Variants in SBK1 observed in about 807,000 individuals in gnomAD.
SBK1 encodes the protein SH3 domain binding kinase 1.
A neutral mutation model predicts 24.4 loss-of-function variants in SBK1; 11 were observed. The ratio of observed to expected loss-of-function variants is 0.45; its 90% CI spans 0.28 to 0.75. The LOEUF (loss-of-function observed/expected upper bound fraction) is 0.75, where lower values mean the gene tolerates loss of function less well. Ranked by LOEUF, SBK1 falls within the 30% of genes least tolerant of loss-of-function variation. SBK1 has a pLI of 0.12. For missense variants in SBK1, 467 were observed against 620.5 expected, an observed-to-expected ratio of 0.75 and a Z score of 2.63; for synonymous variants, 308 against 284.4, an observed-to-expected ratio of 1.08 and a Z score of -0.83.
intron 1 of SBK1, among the ~76,000 whole-genome samples, chr16:28,308,524 G>A (rs1205525535): frequency 8.1e-6 from 1 of 123,846 alleles, no homozygotes; most frequent in African/African-American, 3.1e-5. Context: ...CCAGGCTTAA[G>A]CGATCCTTTC....
At chr16:28,301,602 C>G (rs2044679265) in intron 1 of SBK1, among the ~76,000 whole-genome samples, 1 of 152,174 alleles carries the variant, frequency 6.6e-6, no homozygotes, top group Admixed American at 6.5e-5. Context: ...CAGGGGATCC[C>G]TACAGTGCCT....
chr16:28,320,785 C>T lies in SBK1; in HGVS notation c.1139C>T (p.Pro380Leu). The T allele has an allele frequency of 3.5e-6, 5 of 1,416,966 alleles. No individual in the cohort carries two copies. The highest frequency in any genetic ancestry group is 2.4e-5 in the Admixed American group (1 of 41,562). The allele number at this position is 1,416,966 out of a possible 1,614,324, so 87.8% of individuals were successfully genotyped here. Residue 380 changes from proline (P) to leucine (L), a missense_variant, in exon 4 of 4, where the codon CCG (proline) becomes CTG (leucine). Coordinates refer to ENST00000341901, the MANE Select transcript of SBK1 (RefSeq NM_001024401.3). The surrounding 1 kb of genome is among the most constrained non-coding windows in gnomAD (Gnocchi z 8.5). ...VGSVPLPVPVPVPVPVPVPVP... is the reference protein window; with the variant it reads ...VGSVPLPVPVLVPVPVPVPVP... ...TCGGTGCCCTTGCCCGTGCCGGTGC[C>T]GGTGCCAGTGCCCGTGCCGGTGCCT...
chr16:28,280,275 A>G (rs936300219), intron 1 of SBK1, among the ~76,000 whole-genome samples: 1 of 143,940 alleles, frequency 6.9e-6, no homozygotes, highest in Non-Finnish European at 1.5e-5. Context: ...ATATATGTAC[A>G]TACATATGTA....
chr16:28,317,496 C>CTCT lies in SBK1; in HGVS notation c.105_106insTCT (p.Asp35_Met36insSer). Reference sequence around the variant, plus strand: ...CCGGTGTGCCCCTTCTCACTGAAGACATGCAGGCCCTGACTCTCCGCACAC... The same window carrying CTCT: ...CCGGTGTGCCCCTTCTCACTGAAGACTCTATGCAGGCCCTGACTCTCCGCACAC... On this transcript the variant is annotated inframe_insertion, in exon 2 of 4. Transcript: ENST00000341901. The surrounding 1 kb of genome is among the most constrained non-coding windows in gnomAD (Gnocchi z 4.2). 3 of 1,614,176 alleles carry CTCT rather than the reference C, an allele frequency of 1.9e-6. No homozygotes were observed. Among genetic ancestry groups the CTCT allele is most frequent in the Non-Finnish European group, 2.5e-6 (3 of 1,180,022 alleles).
At position 28,320,379 on chromosome 16, in the gene SBK1, T is replaced by G; in HGVS notation, c.733T>G (p.Cys245Gly). 6.3e-7 allele frequency: 1 copy of G among 1,592,688 alleles called. No homozygotes were observed. The highest frequency in any genetic ancestry group is 8.5e-7 in the Non-Finnish European group (1 of 1,175,970). ...DVWAFGVLIF[C>G]VLTGNFPWEA... ...GTGGGCCTTCGGCGTGCTCATCTTC[T>G]GCGTGCTCACCGGCAACTTCCCGTG... The change falls in exon 4 of 4, where the codon TGC becomes GGC. Residue 245 changes from cysteine (C) to glycine (G), a missense_variant. Coordinates refer to ENST00000341901, the MANE Select transcript of SBK1 (RefSeq NM_001024401.3). The surrounding 1 kb of genome is among the most constrained non-coding windows in gnomAD (Gnocchi z 8.5).
intron 1 of SBK1, among the ~76,000 whole-genome samples, chr16:28,313,255 A>T (rs747324426): frequency 2.0e-5 from 3 of 151,972 alleles, no homozygotes; most frequent in Admixed American, 6.6e-5. Context: ...TGGGGGCACC[A>T]CTGCACTCCA....
chr16:28,278,596 CT>C (rs1254743948), intron 1 of SBK1, among the ~76,000 whole-genome samples: 3 of 152,168 alleles, frequency 2.0e-5, no homozygotes, highest in Non-Finnish European at 4.4e-5. Context: ...ATCACCCAGG[CT>C]GAGTTCAATG....
At chr16:28,278,446 A>G (rs1242013743) in intron 1 of SBK1, among the ~76,000 whole-genome samples, 3 of 152,026 alleles carry the variant, frequency 2.0e-5, no homozygotes, top group Non-Finnish European at 4.4e-5. Flanking sequence ...GGCTCAAGCG[A>G]TCCTCCTGCC....
chr16:28,293,942 G>A (rs1456361454), intron 1 of SBK1, among the ~76,000 whole-genome samples: 2 of 152,170 alleles, frequency 1.3e-5, no homozygotes, highest in African/African-American at 2.4e-5. Context: ...CCCAAAGTGA[G>A]GCGCTAGTTT....
intron 1 of SBK1, among the ~76,000 whole-genome samples, chr16:28,272,913 C>T (rs1474110470): frequency 6.6e-6 from 1 of 152,070 alleles, no homozygotes; most frequent in East Asian, 1.9e-4. Context: ...AGCCACCATG[C>T]CTGGCCTGTC....
chr16:28,304,250 C>T (rs2044699946), intron 1 of SBK1, among the ~76,000 whole-genome samples: 1 of 152,186 alleles, frequency 6.6e-6, no homozygotes, highest in South Asian at 2.1e-4. Context: ...AGTTCTGCGG[C>T]ATTTCCTCCG....
intron 1 of SBK1, among the ~76,000 whole-genome samples, chr16:28,299,205 G>A (rs1356746091): frequency 1.5e-4 from 23 of 152,176 alleles, no homozygotes; most frequent in Admixed American, 1.5e-3. Context: ...AAACAAGGGG[G>A]ATGATATTAG....
intron 1 of SBK1, among the ~76,000 whole-genome samples, chr16:28,280,151 G>A (rs868440023): frequency 0.041 from 1,535 of 37,082 alleles, 20 homozygotes; most frequent in South Asian, 0.055. Flanking sequence ...ATATATATAT[G>A]TGTGTGTGTG....
At chr16:28,312,456 G>A (rs28368281) in intron 1 of SBK1, among the ~76,000 whole-genome samples, 2,787 of 152,282 alleles carry the variant, frequency 0.018, 94 homozygotes, top group African/African-American at 0.063. Flanking sequence ...TGGTGGCTGC[G>A]GGAAAGAGCC....
At chr16:28,288,328 C>T (rs1455894365), upstream of SBK1, among the ~76,000 whole-genome samples, 1 of 152,180 alleles carries the variant, frequency 6.6e-6, no homozygotes, top group Non-Finnish European at 1.5e-5. Context: ...TTCACAGCTG[C>T]TGCCCTTGGT....
intron 1 of SBK1, among the ~76,000 whole-genome samples, chr16:28,282,641 A>AATGAATGAATGAATGG (rs2044540597): frequency 6.6e-6 from 1 of 152,164 alleles, no homozygotes; most frequent in South Asian, 2.1e-4. Flanking sequence ...TGAATGAATG[A>AATGAATGAATGAATGG]ATGAATGGAG....
At chr16:28,310,196 G>A (rs369824217) in intron 1 of SBK1, among the ~76,000 whole-genome samples, 33 of 152,190 alleles carry the variant, frequency 2.2e-4, no homozygotes, top group Admixed American at 8.5e-4. Context: ...CCCTTGAGGC[G>A]TGAGGTGTGT....
chr16:28,271,551 C>T lies in SBK1; in HGVS notation c.257+12049C>T, dbSNP rs145550261. On this transcript the variant is annotated intron_variant, in intron 1 of 3. Transcript: ENST00000671413. ...CAGGCTGGGTGACAGAATGCGACTC[C>T]GTCCCCCCACCCCCAAAAAAGAGAG... Among the ~76,000 whole-genome samples, 563 of 152,066 alleles carry T rather than the reference C, an allele frequency of 3.7e-3. 2 individuals are homozygous for T. Among genetic ancestry groups the T allele is most frequent in the African/African-American group, 0.013 (546 of 41,480 alleles).
upstream of SBK1, among the ~76,000 whole-genome samples, chr16:28,288,204 A>AGCTGCCTG (rs1353562113): frequency 6.6e-6 from 1 of 152,136 alleles, no homozygotes; most frequent in Non-Finnish European, 1.5e-5. Context: ...CTTGATCCAA[A>AGCTGCCTG]GCTGCCTGTT....
Sources: allele counts gnomAD v4.1 joint callset (sites outside exome capture counted in the v4.1 genomes callset), GRCh38; gene constraint gnomAD v4.1.1; non-coding constraint Gnocchi (gnomAD v3.1); transcripts MANE v1.5; gene names NCBI Gene and HGNC (gene_info 2026-07-23, HGNC 2026-07-21).